MITF: variants seen among roughly 807,000 people sequenced by gnomAD.
The protein encoded by MITF is melanocyte inducing transcription factor.
A neutral mutation model predicts 60.5 loss-of-function variants in MITF; 17 were observed. The observed-to-expected ratio is 0.28, with a 90% confidence interval of 0.19 to 0.42. MITF has a LOEUF of 0.42. Among genes scored for constraint, MITF ranks in the 10% least tolerant of loss-of-function variants. The pLI, the probability that MITF is intolerant of heterozygous loss-of-function variation, is 1.00. For synonymous variants in MITF, 260 were observed against 248.5 expected (o/e 1.05, Z -0.43); for missense variants, 622 against 683.5 (o/e 0.91, Z 1.00).
At chr3:69,743,608 C>A (rs1053931311) in intron 1 of MITF, among the ~76,000 whole-genome samples, 8 of 152,188 alleles carry the variant, frequency 5.3e-5, no homozygotes, top group African/African-American at 1.9e-4. Flanking sequence ...TAGGAAGACA[C>A]ATGCTGTGGG....
At chr3:69,911,460 G>T (rs2065222850) in intron 2 of MITF, among the ~76,000 whole-genome samples, 1 of 152,126 alleles carries the variant, frequency 6.6e-6, no homozygotes, top group Non-Finnish European at 1.5e-5. Context: ...GCACCACTGT[G>T]TGCAATTCCT....
chr3:69,926,577 A>T (rs990478452), intron 2 of MITF, among the ~76,000 whole-genome samples: 4 of 152,190 alleles, frequency 2.6e-5, no homozygotes, highest in Non-Finnish European at 5.9e-5. Context: ...TGGTACAACA[A>T]AAAGACGTCT....
rs1418681944 is a variant in MITF, at chr3:69,879,315, C to G, written c.286C>G (p.Pro96Ala). 2 of 1,614,222 alleles carry G rather than the reference C, an allele frequency of 1.2e-6. No homozygotes were observed. Among genetic ancestry groups the G allele is most frequent in the Non-Finnish European group, 1.7e-6 (2 of 1,180,044 alleles). ...MQQRVPVSQT[P>A]AINVSVPTTL... ...ACAGAGAGTGCCCGTGAGTCAGACA[C>G]CAGCCATAAACGTCAGTGTGCCCAC... Residue 96 changes from proline to alanine, a missense_variant, in exon 2 of 10, where the codon CCA (proline) becomes GCA (alanine). Around this residue, in one of 5 missense-constraint regions of MITF, gnomAD observed 149 missense variants for 157.8 expected, o/e 0.94. Coordinates refer to ENST00000352241, the MANE Select transcript of MITF (RefSeq NM_001354604.2).
chr3:69,848,295 A>C (rs2063765918), intron 1 of MITF, among the ~76,000 whole-genome samples: 1 of 152,210 alleles, frequency 6.6e-6, no homozygotes. Context: ...GGGAAGATGA[A>C]AATGCTTGTG....
intron 1 of MITF, among the ~76,000 whole-genome samples, chr3:69,876,068 T>A (rs75454463): frequency 6.6e-6 from 1 of 151,524 alleles, no homozygotes; most frequent in African/African-American, 2.4e-5. Context: ...TACATACGTA[T>A]TTTTTTTTCA....
At chr3:69,764,023 C>A (rs76158281) in intron 1 of MITF, 5 of 1,102,996 alleles carry the variant, frequency 4.5e-6, no homozygotes, top group East Asian at 4.8e-5. Flanking sequence ...ATCTTTATAT[C>A]GTATGAAATC....
intron 1 of MITF, among the ~76,000 whole-genome samples, chr3:69,764,142 T>G (rs773244309): frequency 1.6e-4 from 25 of 152,222 alleles, no homozygotes; most frequent in Non-Finnish European, 3.1e-4. Context: ...GATCATTTGA[T>G]TAGGTTTGGA....
At chr3:69,938,160 A>G in intron 3 of MITF, 111 bp downstream of exon 3, 1 of 1,290,594 alleles carries the variant, frequency 7.7e-7, no homozygotes, top group Non-Finnish European at 1.1e-6. Context: ...GGCCACATTT[A>G]CCAGCCTTTG....
At chr3:69,825,816 T>C (rs1325123367) in intron 1 of MITF, among the ~76,000 whole-genome samples, 1 of 152,160 alleles carries the variant, frequency 6.6e-6, no homozygotes, top group Non-Finnish European at 1.5e-5. Flanking sequence ...GTCCACCTAG[T>C]TAGAAAACAC....
chr3:69,792,103 A>G (rs1162695000), intron 1 of MITF, among the ~76,000 whole-genome samples: 1 of 152,204 alleles, frequency 6.6e-6, no homozygotes, highest in Non-Finnish European at 1.5e-5. Flanking sequence ...TGTTTTTGAA[A>G]AGAGATATGA....
chr3:69,774,778 C>T (rs1364945493), intron 1 of MITF, among the ~76,000 whole-genome samples: 4 of 152,040 alleles, frequency 2.6e-5, no homozygotes, highest in African/African-American at 7.2e-5. Context: ...TTACCAGCAC[C>T]GTGGCTCTCG....
intron 2 of MITF, among the ~76,000 whole-genome samples, chr3:69,906,920 G>A (rs192480989): frequency 3.3e-5 from 5 of 152,192 alleles, no homozygotes; most frequent in Admixed American, 6.5e-5. Context: ...AACAAAAATA[G>A]CAGCTTTTTT....
chr3:69,926,829 T>C (rs933673373), intron 2 of MITF, among the ~76,000 whole-genome samples: 1 of 152,158 alleles, frequency 6.6e-6, no homozygotes, highest in African/African-American at 2.4e-5. Context: ...AACAAAGTCC[T>C]CTCCATCTGA....
chr3:69,944,935 G>C (rs536307172), intron 5 of MITF, among the ~76,000 whole-genome samples: 15 of 151,956 alleles, frequency 9.9e-5, no homozygotes, highest in Admixed American at 9.2e-4. Flanking sequence ...TTCGTGTTAG[G>C]CATTTTTTTC....
intron 1 of MITF, among the ~76,000 whole-genome samples, chr3:69,833,878 C>T (rs1319173205): frequency 1.3e-5 from 2 of 152,220 alleles, no homozygotes; most frequent in African/African-American, 4.8e-5. Context: ...ATTCCTTCAG[C>T]CTCTATTACT....
chr3:69,744,657 G>T (rs186976522), intron 1 of MITF, among the ~76,000 whole-genome samples: 1 of 152,252 alleles, frequency 6.6e-6, no homozygotes, highest in Admixed American at 6.5e-5. Flanking sequence ...ACCTAGCAGC[G>T]AACCTGGCAT....
chr3:69,791,103 T>C (rs2062732809), intron 1 of MITF, among the ~76,000 whole-genome samples: 1 of 152,246 alleles, frequency 6.6e-6, no homozygotes, highest in South Asian at 2.1e-4. Flanking sequence ...CTTTTTTCTT[T>C]TGCCATTTTG....
intron 2 of MITF, among the ~76,000 whole-genome samples, chr3:69,934,142 G>T (rs2065781388): frequency 6.6e-6 from 1 of 152,148 alleles, no homozygotes; most frequent in Non-Finnish European, 1.5e-5. Context: ...TAGATCAGGG[G>T]TTCTCAAAGT....
At chr3:69,941,580 G>A (rs1035278177) in intron 5 of MITF, among the ~76,000 whole-genome samples, 2 of 152,086 alleles carry the variant, frequency 1.3e-5, no homozygotes, top group African/African-American at 4.8e-5. Flanking sequence ...TTTTGATAGG[G>A]CATTAGCCCT....
Sources: allele counts gnomAD v4.1 joint callset (sites outside exome capture counted in the v4.1 genomes callset), GRCh38; gene constraint gnomAD v4.1.1; regional missense constraint gnomAD v4.1.1; transcripts MANE v1.5; gene names NCBI Gene and HGNC (gene_info 2026-07-23, HGNC 2026-07-21).